The following FARP1 variants were observed in gnomAD, a reference collection of about 807,000 sequenced individuals.
FARP1 encodes FERM, ARH/RhoGEF and pleckstrin domain protein 1.
A neutral mutation model predicts 128.8 loss-of-function variants in FARP1; 52 were observed. The observed-to-expected ratio is 0.40, with a 90% CI of 0.32 to 0.51. The LOEUF (loss-of-function observed/expected upper bound fraction) is 0.51. Ranked by LOEUF, FARP1 falls within the 20% of genes least tolerant of loss-of-function variation. FARP1 has a pLI of 0.45. For missense variants in FARP1, 1,333 were observed against 1,367.9 expected (o/e 0.97, Z 0.40); for synonymous variants, 580 against 551.8 (o/e 1.05, Z -0.72).
intron 17 of FARP1, among the ~76,000 whole-genome samples, chr13:98,426,050 C>T (rs1438287627): frequency 1.3e-5 from 2 of 152,212 alleles, no homozygotes; most frequent in Non-Finnish European, 1.5e-5. Context: ...CATTTCAATC[C>T]ATCCATCCAC....
intron 2 of FARP1, among the ~76,000 whole-genome samples, chr13:98,214,386 C>T (rs557851111): frequency 1.6e-4 from 25 of 152,108 alleles, no homozygotes; most frequent in African/African-American, 6.0e-4. Flanking sequence ...TATCAAATAC[C>T]ATGTCTAATA....
chr13:98,272,314 G>A (rs1200719664), intron 2 of FARP1, among the ~76,000 whole-genome samples: 1 of 152,152 alleles, frequency 6.6e-6, no homozygotes, highest in East Asian at 1.9e-4. Context: ...ACAGGTGTGA[G>A]CCACCTCTCC....
chr13:98,333,436 T>TACAC (rs60264788), intron 2 of FARP1, among the ~76,000 whole-genome samples: 29,442 of 139,376 alleles, frequency 0.21, 3,189 homozygotes, highest in South Asian at 0.32. Context: ...CCCCCACATG[T>TACAC]ACACACACAC....
chr13:98,223,453 C>G (rs1881553484), intron 2 of FARP1, among the ~76,000 whole-genome samples: 1 of 152,154 alleles, frequency 6.6e-6, no homozygotes, highest in African/African-American at 2.4e-5. Flanking sequence ...AGTCCCCCGA[C>G]AGCTGGGACT....
intron 3 of FARP1, among the ~76,000 whole-genome samples, chr13:98,355,309 G>A (rs964698132): frequency 1.3e-5 from 2 of 152,090 alleles, no homozygotes; most frequent in Non-Finnish European, 2.9e-5. Flanking sequence ...TCGAGCCACT[G>A]TACTCCAGCC....
At chr13:98,426,205 C>T (rs1252127547) in intron 17 of FARP1, among the ~76,000 whole-genome samples, 1 of 152,184 alleles carries the variant, frequency 6.6e-6, no homozygotes, top group African/African-American at 2.4e-5. Context: ...TGATGTATCT[C>T]AGCCGGGTGT....
At chr13:98,383,633 G>C (rs975661860) in intron 6 of FARP1, 2 of 152,186 alleles carry the variant, frequency 1.3e-5, no homozygotes, top group African/African-American at 2.4e-5. Flanking sequence ...CTGGTCATTA[G>C]ACTATTTTTT....
At chr13:98,372,640 G>C (rs983625570) in intron 5 of FARP1, among the ~76,000 whole-genome samples, 1 of 152,188 alleles carries the variant, frequency 6.6e-6, no homozygotes, top group African/African-American at 2.4e-5. Context: ...GAGGGAAGAT[G>C]GTGGTTTTCC....
chr13:98,283,016 T>G (rs1198480137), intron 2 of FARP1, among the ~76,000 whole-genome samples: 1 of 152,260 alleles, frequency 6.6e-6, no homozygotes, highest in African/African-American at 2.4e-5. Flanking sequence ...TCTTAGAAGA[T>G]GCATTTTACT....
chr13:98,294,231 T>C lies in FARP1; in HGVS notation c.172-49531T>C, dbSNP rs1459862895. Among the ~76,000 whole-genome samples, 3 of 152,136 alleles carry C rather than the reference T, an allele frequency of 2.0e-5. No homozygotes were observed. In the East Asian group the frequency reaches 5.8e-4, roughly 29 times the overall value. On this transcript the variant is annotated intron_variant, in intron 2 of 26. Transcript: ENST00000319562. The stretch of plus-strand genomic sequence containing the variant: ...AAGCACAGCTCCGTGAAATTTAACA[T>C]TATTCTTGTTATGATCACCAGTGAA...
At chr13:98,206,172 T>G in intron 1 of FARP1, among the ~76,000 whole-genome samples, 1 of 108,368 alleles carries the variant, frequency 9.2e-6, no homozygotes, top group African/African-American at 3.4e-5. Context: ...TTTCATGACT[T>G]GAGGTTGTGT....
At chr13:98,188,360 T>C (rs1360017131) in intron 1 of FARP1, among the ~76,000 whole-genome samples, 1 of 152,066 alleles carries the variant, frequency 6.6e-6, no homozygotes, top group Non-Finnish European at 1.5e-5. Context: ...GAGACCAGCC[T>C]GACCAACACT....
intron 2 of FARP1, chr13:98,244,618 C>T (rs759077344): frequency 2.5e-6 from 4 of 1,614,216 alleles, no homozygotes; most frequent in South Asian, 2.2e-5. Flanking sequence ...AGAATTCTCA[C>T]TCATCTTACA....
chr13:98,167,405 C>CTTT (rs11388623), intron 1 of FARP1, among the ~76,000 whole-genome samples: 9 of 129,768 alleles, frequency 6.9e-5, no homozygotes, highest in Non-Finnish European at 1.3e-4. Context: ...AACAGTTTTA[C>CTTT]TTTTTTTTTT....
chr13:98,427,590 T>G (rs1375719252), intron 17 of FARP1, among the ~76,000 whole-genome samples: 2 of 152,230 alleles, frequency 1.3e-5, no homozygotes, highest in Admixed American at 1.3e-4. Context: ...GCAAGTGTCC[T>G]TCGTGCCTTC....
chr13:98,173,841 G>T (rs1428771273), intron 1 of FARP1, among the ~76,000 whole-genome samples: 1 of 152,232 alleles, frequency 6.6e-6, no homozygotes. Context: ...GCCCCACACT[G>T]CTCTTCACTT....
intron 2 of FARP1, among the ~76,000 whole-genome samples, chr13:98,322,755 A>G (rs1328844197): frequency 6.6e-6 from 1 of 152,208 alleles, no homozygotes; most frequent in Admixed American, 6.5e-5. Context: ...CAGATTTTAA[A>G]TTTCACGGTT....
At chr13:98,151,987 A>G (rs1594202939) in intron 1 of FARP1, among the ~76,000 whole-genome samples, 1 of 152,176 alleles carries the variant, frequency 6.6e-6, no homozygotes, top group African/African-American at 2.4e-5. Context: ...GACATTGGAC[A>G]AGTTATCAAT....
chr13:98,258,116 G>A (rs569464171), intron 2 of FARP1, among the ~76,000 whole-genome samples: 51 of 152,114 alleles, frequency 3.4e-4, no homozygotes, highest in African/African-American at 1.2e-3. Context: ...TGAGGCACCC[G>A]CGACCGTGCC....
Sources: allele counts gnomAD v4.1 joint callset (sites outside exome capture counted in the v4.1 genomes callset), GRCh38; gene constraint gnomAD v4.1.1; transcripts MANE v1.5; gene names NCBI Gene and HGNC (gene_info 2026-07-23, HGNC 2026-07-21).